CTNNA3: variants seen among roughly 807,000 people sequenced by gnomAD.
The protein encoded by CTNNA3 is catenin alpha-3.
A neutral mutation model predicts 95.7 loss-of-function variants in CTNNA3; 76 were observed. The observed-to-expected ratio is 0.79, with a 90% CI of 0.66 to 0.96. The LOEUF is 0.96. Among genes scored for constraint, CTNNA3 ranks in the 40% least tolerant of loss-of-function variants. The pLI, the probability that CTNNA3 is intolerant of heterozygous loss-of-function variation, is 0.00. For missense variants in CTNNA3, 1,191 were observed against 1,089.8 expected (o/e 1.09, Z -1.31); for synonymous variants, 431 against 374.4 (o/e 1.15, Z -1.74).
rs139378888 is a variant in CTNNA3 at position 66,379,280 on chromosome 10, C to T, written c.1604G>A (p.Arg535His). ...LRDQDADNLD[R>H]AAGAIRGRAA... is the part of the protein sequence containing the mutation. ...CCGGCCTCTGATAGCACCCGCAGCA[C>T]GGTCTAAATTATCAGCATCCTGGTC... Residue 535 changes from arginine (R) to histidine (H), a missense_variant, in exon 12 of 18, where the codon CGT becomes CAT. Transcript: ENST00000433211. 5.1e-5 allele frequency: 82 copies of T among 1,614,116 alleles called. No homozygotes were observed. The highest frequency in any genetic ancestry group is 6.7e-5 in the Admixed American group (4 of 60,016).
chr10:67,258,070 G>T (rs1866435637), intron 5 of CTNNA3, among the ~76,000 whole-genome samples: 1 of 152,120 alleles, frequency 6.6e-6, no homozygotes, highest in Non-Finnish European at 1.5e-5. Flanking sequence ...TCCTTTCCTT[G>T]TTCCTTCTAC....
At chr10:66,182,728 A>T (rs117930152) in intron 13 of CTNNA3, among the ~76,000 whole-genome samples, 1 of 132,012 alleles carries the variant, frequency 7.6e-6, no homozygotes, top group Admixed American at 7.1e-5. Context: ...CCAAAAAAAG[A>T]TGATTTTTTT....
At position 67,246,132 on chromosome 10, in the gene CTNNA3, T is replaced by C. The variant is rs538323578; in HGVS notation, c.580-26262A>G. On this transcript the variant is annotated intron_variant, in intron 5 of 17. Transcript: ENST00000433211. ...TGACTGCCAATTAGATGGCAAGTTG[T>C]ATTTAAAATCCAGATCCCTAATTAA... Among the ~76,000 whole-genome samples the C allele has an allele frequency of 2.0e-5, 3 of 152,346 alleles. No individual in the cohort carries two copies. The East Asian group carries it at 5.8e-4, about 29-fold the overall frequency.
intron 7 of CTNNA3, among the ~76,000 whole-genome samples, chr10:67,024,287 C>A (rs1414847092): frequency 6.6e-6 from 1 of 152,232 alleles, no homozygotes; most frequent in East Asian, 1.9e-4. Flanking sequence ...CTCGTAGAGT[C>A]TGACTTTACT....
chr10:66,334,404 C>G (rs1056707236), intron 12 of CTNNA3, among the ~76,000 whole-genome samples: 2 of 151,702 alleles, frequency 1.3e-5, no homozygotes, highest in Admixed American at 1.3e-4. Context: ...CCTTCAGGAG[C>G]TCTGTTTGTC....
chr10:66,887,898 C>T lies in CTNNA3; in HGVS notation c.1048-112374G>A, dbSNP rs556752620. Among the ~76,000 whole-genome samples, 25 of 152,174 alleles carry T rather than the reference C, an allele frequency of 1.6e-4. 1 individual carries two copies. Among genetic ancestry groups the T allele is most frequent in the Admixed American group, 1.4e-3 (22 of 15,276 alleles). On this transcript the variant is annotated intron_variant, in intron 7 of 17. Coordinates refer to ENST00000433211, the MANE Select transcript of CTNNA3 (RefSeq NM_013266.4). ...CCCTGGAGGCTGGAGTTCAAGGTTA[C>T]GTGAGATGTGTGCTAGGCAGAATAA...
intron 10 of CTNNA3, among the ~76,000 whole-genome samples, chr10:66,535,811 T>C (rs1048925879): frequency 2.6e-5 from 4 of 152,134 alleles, no homozygotes; most frequent in Admixed American, 6.6e-5. Context: ...GTAGAATTCA[T>C]AGAATCATGA....
chr10:66,887,668 C>G (rs1331116119), intron 7 of CTNNA3, among the ~76,000 whole-genome samples: 1 of 152,130 alleles, frequency 6.6e-6, no homozygotes, highest in East Asian at 1.9e-4. Context: ...TTGTCTATAG[C>G]TTCTGTCATC....
chr10:67,502,753 C>T (rs1036986446), intron 5 of CTNNA3, among the ~76,000 whole-genome samples: 2 of 152,210 alleles, frequency 1.3e-5, no homozygotes, highest in South Asian at 2.1e-4. Context: ...ATTCCCACAG[C>T]TTTGTTTACA....
At chr10:66,492,005 T>C (rs1565015302) in intron 11 of CTNNA3, among the ~76,000 whole-genome samples, 1 of 152,160 alleles carries the variant, frequency 6.6e-6, no homozygotes, top group Non-Finnish European at 1.5e-5. Context: ...ATTGTTCTTA[T>C]TGTCCCTCTG....
rs568374910 is a variant in CTNNA3, at chr10:66,411,555, G to T, written c.1532-32203C>A. Among the ~76,000 whole-genome samples the T allele has an allele frequency of 2.4e-4, 36 of 152,012 alleles. No individual in the cohort carries two copies. The South Asian group carries it at 7.5e-3, about 31-fold the overall frequency. The stretch of plus-strand genomic sequence containing the variant: ...AATAAATTTAACAAATATTTATAAG[G>T]TTTACCATTGGATAAAGATAATGTG... On this transcript the variant is annotated intron_variant, in intron 11 of 17. Transcript: ENST00000433211.
At chr10:67,478,333 G>A (rs139460721) in intron 5 of CTNNA3, among the ~76,000 whole-genome samples, 79 of 152,064 alleles carry the variant, frequency 5.2e-4, no homozygotes, top group African/African-American at 1.8e-3. Flanking sequence ...TGTATAGTCC[G>A]GTGACTACTC....
chr10:67,152,363 G>A (rs1343539390), intron 7 of CTNNA3, among the ~76,000 whole-genome samples: 1 of 152,144 alleles, frequency 6.6e-6, no homozygotes, highest in African/African-American at 2.4e-5. Flanking sequence ...AATCAAAGTT[G>A]ACCTAAAAAT....
At chr10:67,637,702 C>T (rs1350060844) in intron 2 of CTNNA3, among the ~76,000 whole-genome samples, 2 of 152,152 alleles carry the variant, frequency 1.3e-5, no homozygotes, top group Non-Finnish European at 2.9e-5. Flanking sequence ...AGAGTGGGGG[C>T]CAATATTCAA....
intron 5 of CTNNA3, among the ~76,000 whole-genome samples, chr10:67,500,360 A>G (rs1839190087): frequency 6.6e-6 from 1 of 152,212 alleles, no homozygotes; most frequent in Non-Finnish European, 1.5e-5. Context: ...TTATGTGGTC[A>G]ATTTTAGAAT....
intron 17 of CTNNA3, among the ~76,000 whole-genome samples, chr10:65,946,869 T>G (rs1462186454): frequency 2.0e-5 from 3 of 152,062 alleles, no homozygotes; most frequent in African/African-American, 7.3e-5. Flanking sequence ...AATTTCTAGG[T>G]AGTTAAAGTT....
At chr10:67,724,961 C>T (rs939202406) in intron 1 of CTNNA3, among the ~76,000 whole-genome samples, 5 of 152,026 alleles carry the variant, frequency 3.3e-5, no homozygotes, top group African/African-American at 1.2e-4. Flanking sequence ...CTTCCTATTA[C>T]ACAAATTCTT....
chr10:66,320,140 C>A (rs2092160785), intron 12 of CTNNA3, among the ~76,000 whole-genome samples: 1 of 152,060 alleles, frequency 6.6e-6, no homozygotes, highest in Non-Finnish European at 1.5e-5. Flanking sequence ...GTCTTATCGA[C>A]CATCACTATG....
chr10:67,046,978 G>A (rs532629035), intron 7 of CTNNA3, among the ~76,000 whole-genome samples: 78 of 152,276 alleles, frequency 5.1e-4, no homozygotes, highest in African/African-American at 1.8e-3. Flanking sequence ...AGGGTACAGA[G>A]GGTAGAAAAG....
Sources: gnomAD v4.1 joint callset for allele counts (sites outside exome capture counted in the v4.1 genomes callset) on GRCh38, gnomAD v4.1.1 for gene constraint, MANE v1.5 for transcripts, NCBI Gene and HGNC (gene_info 2026-07-23, HGNC 2026-07-21) for gene names.